Variants in SNED1 observed in about 807,000 individuals in gnomAD.
The protein encoded by SNED1 is sushi, nidogen and EGF-like domain-containing protein 1.
SNED1 carries 81 observed loss-of-function variants against 166.7 expected under a neutral mutation model. The observed-to-expected ratio is 0.49, with a 90% CI of 0.41 to 0.58. The LOEUF (loss-of-function observed/expected upper bound fraction) is 0.58. Ranked by LOEUF, SNED1 falls within the 20% of genes least tolerant of loss-of-function variation. The pLI, the probability that SNED1 is intolerant of heterozygous loss-of-function variation, is 0.00. For missense variants in SNED1, 1,604 were observed against 2,000.2 expected (o/e 0.80, Z 3.78); for synonymous variants, 762 against 822.0 (o/e 0.93, Z 1.25).
chr2:241,004,031 G>A (rs2060147493), intron 1 of SNED1, among the ~76,000 whole-genome samples: 2 of 152,254 alleles, frequency 1.3e-5, no homozygotes, highest in Admixed American at 6.5e-5. Context: ...AGGAAGGAGA[G>A]AAGCTGATGC....
chr2:241,019,886 AT>A lies in SNED1; in HGVS notation c.214-10394del, dbSNP rs1490465690. On this transcript the variant is annotated intron_variant, in intron 1 of 31. Transcript: ENST00000310397. ...TTCTGTAGAGGGCCAGGTAGTGACT[AT>A]TTTCAGCTTTTCAGGCCACAGGGTC... 2.0e-5 allele frequency among the ~76,000 whole-genome samples: 3 copies of A among 151,986 alleles called. No homozygotes were observed. In the East Asian group the frequency reaches 5.8e-4, roughly 29 times the overall value.
At chr2:241,041,686 C>T (rs1362277831) in intron 8 of SNED1, among the ~76,000 whole-genome samples, 1 of 151,566 alleles carries the variant, frequency 6.6e-6, no homozygotes, top group Non-Finnish European at 1.5e-5. Context: ...GAGACTCTGT[C>T]TAAAAAAAAA....
Position 241,073,408 on chromosome 2 carries a change from C to A in SNED1, c.3916+44C>A. 1 of 1,469,728 alleles carries A rather than the reference C, an allele frequency of 6.8e-7. No homozygotes were observed. The highest frequency in any genetic ancestry group is 9.3e-7 in the Non-Finnish European group (1 of 1,072,626). 91.0% of individuals were successfully genotyped at this position (1,469,728 alleles called of 1,614,324 possible). A position where few individuals can be genotyped will look rare whatever the true frequency, so the allele number is the denominator to read the frequency against. Reference sequence around the variant, plus strand: ...TGGGGACTTTGGGACTGACTGACTGCTCTCAGGGGCCTTAGAGGCTGCAGG... The same window carrying A: ...TGGGGACTTTGGGACTGACTGACTGATCTCAGGGGCCTTAGAGGCTGCAGG... On this transcript the variant is annotated intron_variant, in intron 27 of 31. Coordinates refer to ENST00000310397, the MANE Select transcript of SNED1 (RefSeq NM_001080437.3). The surrounding 1 kb of genome is among the most constrained non-coding windows in gnomAD (Gnocchi z 6.6).
chr2:241,089,982 G>A, intron 31 of SNED1: 1 of 1,548,620 alleles, frequency 6.5e-7, no homozygotes, highest in Non-Finnish European at 8.7e-7. Context: ...TGGTATACCT[G>A]GGCAGGGCGC....
chr2:241,012,988 A>T (rs891110626), intron 1 of SNED1, among the ~76,000 whole-genome samples: 2 of 151,922 alleles, frequency 1.3e-5, no homozygotes, highest in Non-Finnish European at 2.9e-5. Flanking sequence ...GGTGCCCGCC[A>T]CCACGCCCGC....
chr2:241,030,605 T>A (rs1403601036), intron 2 of SNED1, 34 bp downstream of exon 2: 2 of 1,605,042 alleles, frequency 1.2e-6, no homozygotes, highest in Non-Finnish European at 1.7e-6. Context: ...GGAGGGTGGG[T>A]GTGTGGCTAG....
intron 1 of SNED1, among the ~76,000 whole-genome samples, chr2:241,012,296 A>G (rs1293563172): frequency 6.6e-6 from 1 of 152,164 alleles, no homozygotes; most frequent in Non-Finnish European, 1.5e-5. Flanking sequence ...TCCAAAACAC[A>G]TGCCAAAAAG....
At position 241,065,344 on chromosome 2, in the gene SNED1, G is replaced by A. The variant is rs1195820514; in HGVS notation, c.2759G>A (p.Ser920Asn). 1 of 1,612,928 alleles carries A rather than the reference G, an allele frequency of 6.2e-7. No homozygotes were observed. Among genetic ancestry groups the A allele is most frequent in the Non-Finnish European group, 8.5e-7 (1 of 1,179,846 alleles). Residue 920 changes from serine (S) to asparagine (N), a missense_variant, in exon 21 of 32, where the codon AGT (serine) becomes AAT (asparagine). Transcript: ENST00000310397. ...CTCAAGATGGAGAGAGTGGAGGAGA[G>A]TGGGGTCTCTATCTCCTGGAACCCG... is the stretch of plus-strand genomic sequence containing the variant. ...TALKMERVEE[S>N]GVSISWNPPN...
Position 241,068,074 on chromosome 2 carries a change from C to A in SNED1, c.3194+127C>A. 3.3e-6 allele frequency: 3 copies of A among 914,076 alleles called. No individual in the cohort carries two copies. Among genetic ancestry groups the A allele is most frequent in the East Asian group, 2.7e-5 (1 of 37,386 alleles). The allele number at this position is 914,076 out of a possible 1,614,324, so 56.6% of individuals were successfully genotyped here. On this transcript the variant is annotated intron_variant, in intron 22 of 31. Coordinates refer to ENST00000310397, the MANE Select transcript of SNED1 (RefSeq NM_001080437.3). The surrounding 1 kb of genome is among the most constrained non-coding windows in gnomAD (Gnocchi z 5.3). Reference sequence around the variant, plus strand: ...TACCACCTGCCGCTCCTCACCTGAGCGGAGACAAAGGTCTCAGGTGAGCCA... The same window carrying A: ...TACCACCTGCCGCTCCTCACCTGAGAGGAGACAAAGGTCTCAGGTGAGCCA...
chr2:241,053,598 C>T (rs1263112353), intron 16 of SNED1, among the ~76,000 whole-genome samples: 4 of 152,226 alleles, frequency 2.6e-5, no homozygotes, highest in Admixed American at 1.3e-4. Flanking sequence ...AATACCCACT[C>T]TGCAGATGCA....
intron 16 of SNED1, among the ~76,000 whole-genome samples, chr2:241,060,115 A>G (rs2062185158): frequency 6.6e-6 from 1 of 152,224 alleles, no homozygotes; most frequent in Non-Finnish European, 1.5e-5. Flanking sequence ...CATTAATAGC[A>G]TCAAAAACAT....
chr2:241,009,954 CCCATCCCCCGGCCCAGGACG>C (rs1251131407), intron 1 of SNED1: 1 of 152,284 alleles, frequency 6.6e-6, no homozygotes, highest in Non-Finnish European at 1.5e-5. Flanking sequence ...GGAGGCCCTG[CCCATCCCCCGGCCCAGGACG>C]CCAGCCCCCG....
chr2:241,053,345 G>C lies in SNED1; in HGVS notation c.2257+19G>C, dbSNP rs752557987. On this transcript the variant is annotated intron_variant, in intron 16 of 31. Transcript: ENST00000310397. ...TGCCTTGGTGATTCTGTGGGCCCTT[G>C]GGGTGGGGCAGGTGGGGCCCACACC... 1 of 1,548,312 alleles carries C rather than the reference G, an allele frequency of 6.5e-7. No individual in the cohort carries two copies. The highest frequency in any genetic ancestry group is 8.7e-7 in the Non-Finnish European group (1 of 1,145,364).
In SNED1 at chr2:240,999,156, C is replaced by G. The variant is rs907515765; in HGVS notation, c.213+106C>G. 2 of 613,168 alleles carry G rather than the reference C, an allele frequency of 3.3e-6. No individual in the cohort carries two copies. The highest frequency in any genetic ancestry group is 3.9e-5 in the African/African-American group (2 of 50,894). 38.0% of individuals were successfully genotyped at this position (613,168 alleles called of 1,614,324 possible). On this transcript the variant is annotated intron_variant, in intron 1 of 31. Transcript: ENST00000310397. This position sits in a 1 kb window ranked among gnomAD's most constrained non-coding sequence, Gnocchi z 5.8. ...CGCCGCCGCCGCCAGCCACTTGGCA[C>G]CGGGGCGGCCCGAGGTGGAATGAGG...
At chr2:241,055,104 A>G (rs1049537705) in intron 16 of SNED1, among the ~76,000 whole-genome samples, 2 of 151,282 alleles carry the variant, frequency 1.3e-5, no homozygotes, top group Admixed American at 6.6e-5. Context: ...GTGATAGAGT[A>G]AGACTCTGTC....
chr2:241,036,467 G>T (rs1246700120), intron 4 of SNED1, among the ~76,000 whole-genome samples: 1 of 152,094 alleles, frequency 6.6e-6, no homozygotes, highest in Non-Finnish European at 1.5e-5. Flanking sequence ...GAGGGGAGGC[G>T]GAGTGTGCCA....
Position 241,056,580 on chromosome 2 carries a change from A to ATTTTT in SNED1, c.2257+3268_2257+3272dup, listed in dbSNP as rs1172411061. Among the ~76,000 whole-genome samples, 34 of 111,224 alleles carry ATTTTT rather than the reference A, an allele frequency of 3.1e-4. 3 individuals are homozygous for ATTTTT. Among genetic ancestry groups the ATTTTT allele is most frequent in the East Asian group, 2.4e-3 (8 of 3,342 alleles). 73.0% of individuals were successfully genotyped at this position (111,224 alleles called of 152,430 possible). A position where few individuals can be genotyped will look rare whatever the true frequency, so the allele number is the denominator to read the frequency against. On this transcript the variant is annotated intron_variant, in intron 16 of 31. Coordinates refer to ENST00000310397, the MANE Select transcript of SNED1 (RefSeq NM_001080437.3). The stretch of plus-strand genomic sequence containing the variant: ...GAATTAGGAATTCTGAATAAGTGAA[A>ATTTTT]TTTTTTTTTTTTTTTTTTGAGACGG...
At chr2:241,083,396 AGG>A (rs1171164734) in intron 29 of SNED1, among the ~76,000 whole-genome samples, 11 of 41,634 alleles carry the variant, frequency 2.6e-4, no homozygotes, top group African/African-American at 2.0e-3. Flanking sequence ...TGAAATGGGG[AGG>A]AGCTACTGAA....
intron 1 of SNED1, chr2:241,016,048 T>TCG (rs1344341049): frequency 6.6e-6 from 1 of 151,976 alleles, no homozygotes; most frequent in Non-Finnish European, 1.5e-5. Context: ...ATTAATCAAA[T>TCG]TAATGGCAAA....
Sources: gnomAD v4.1 joint callset for allele counts (sites outside exome capture counted in the v4.1 genomes callset) on GRCh38, gnomAD v4.1.1 for gene constraint, Gnocchi (gnomAD v3.1) non-coding constraint, MANE v1.5 for transcripts, NCBI Gene and HGNC (gene_info 2026-07-23, HGNC 2026-07-21) for gene names.